Variants in GALNT8 observed in about 807,000 individuals in gnomAD.
The protein encoded by GALNT8 is probable polypeptide N-acetylgalactosaminyltransferase 8.
In GALNT8, 66 loss-of-function variants were observed where a neutral mutation model predicts 62.7. That is an observed-to-expected ratio of 1.05 (90% CI 0.86 to 1.29). The LOEUF (loss-of-function observed/expected upper bound fraction) is 1.29, where lower values mean the gene tolerates loss of function less well. Ranked by LOEUF, GALNT8 falls within the 50% of genes most tolerant of loss-of-function variation. The probability of loss-of-function intolerance (pLI) is 0.00; values close to 1 mark genes in which losing one functional copy is unlikely to be tolerated. For missense variants in GALNT8, 771 were observed against 791.8 expected (o/e 0.97, Z 0.32); for synonymous variants, 288 against 294.3 (o/e 0.98, Z 0.22).
At chr12:4,758,606 CTGTGTGTGTGTG>C (rs67025688) in intron 6 of GALNT8, among the ~76,000 whole-genome samples, 78 of 113,660 alleles carry the variant, frequency 6.9e-4, no homozygotes, top group African/African-American at 2.6e-3. Context: ...CTTAATGTCT[CTGTGTGTGTGTG>C]TGTGTGTGTG....
chr12:4,725,317 T>C (rs995654492), intron 1 of GALNT8, among the ~76,000 whole-genome samples: 2 of 152,176 alleles, frequency 1.3e-5, no homozygotes, highest in Non-Finnish European at 2.9e-5. Context: ...AGGTAAATAA[T>C]AGATGACGTC....
chr12:4,764,529 G>GTTTTTT (rs1946389057), intron 9 of GALNT8, among the ~76,000 whole-genome samples: 1 of 99,758 alleles, frequency 1.0e-5, no homozygotes, highest in East Asian at 2.8e-4. Context: ...GCAGTCAGGG[G>GTTTTTT]ATTTTTTTTT....
chr12:4,771,164 G>A (rs1315466680), intron 10 of GALNT8, among the ~76,000 whole-genome samples: 1 of 152,204 alleles, frequency 6.6e-6, no homozygotes, highest in African/African-American at 2.4e-5. Flanking sequence ...TGCTGAGGAG[G>A]CCTGGAAGAG....
intron 2 of GALNT8, among the ~76,000 whole-genome samples, chr12:4,727,423 T>A (rs533963898): frequency 1.3e-5 from 2 of 152,348 alleles, no homozygotes; most frequent in Admixed American, 1.3e-4. Flanking sequence ...TTTCAGTATA[T>A]TCACAGAGTT....
intron 1 of GALNT8, among the ~76,000 whole-genome samples, chr12:4,722,819 A>C (rs1156925205): frequency 6.6e-6 from 1 of 152,060 alleles, no homozygotes; most frequent in Non-Finnish European, 1.5e-5. Flanking sequence ...GGGTGGAAGG[A>C]AAGGCAGGAA....
chr12:4,735,685 A>G (rs1946241467), intron 2 of GALNT8, among the ~76,000 whole-genome samples: 1 of 152,154 alleles, frequency 6.6e-6, no homozygotes, highest in Non-Finnish European at 1.5e-5. Context: ...TTGCTGTCAG[A>G]GTGGAAGTTC....
chr12:4,748,790 G>GTA (rs1451770898), intron 6 of GALNT8, among the ~76,000 whole-genome samples: 2 of 152,000 alleles, frequency 1.3e-5, no homozygotes, highest in Non-Finnish European at 2.9e-5. Flanking sequence ...TATTTAATCC[G>GTA]TATATTGCTT....
At chr12:4,724,939 A>G (rs548176227) in intron 1 of GALNT8, among the ~76,000 whole-genome samples, 1 of 152,244 alleles carries the variant, frequency 6.6e-6, no homozygotes, top group Admixed American at 6.5e-5. Context: ...AGATGCATCT[A>G]CCCGGAGAAA....
intron 2 of GALNT8, among the ~76,000 whole-genome samples, chr12:4,734,149 C>A (rs1352338303): frequency 2.0e-5 from 3 of 152,154 alleles, no homozygotes; most frequent in African/African-American, 7.2e-5. Flanking sequence ...CCTTCTCCTC[C>A]TACTATTACT....
chr12:4,734,414 C>T (rs1946235341), intron 2 of GALNT8, among the ~76,000 whole-genome samples: 1 of 152,132 alleles, frequency 6.6e-6, no homozygotes, highest in Non-Finnish European at 1.5e-5. Flanking sequence ...ACAAGATCCC[C>T]AAGTGATTTG....
chr12:4,769,996 C>A (rs1474097865), intron 10 of GALNT8, among the ~76,000 whole-genome samples: 2 of 152,026 alleles, frequency 1.3e-5, no homozygotes, highest in African/African-American at 4.8e-5. Context: ...ACACGCAGCA[C>A]CCCAAAATAA....
intron 2 of GALNT8, among the ~76,000 whole-genome samples, chr12:4,738,130 T>G (rs1946254318): frequency 6.6e-6 from 1 of 152,210 alleles, no homozygotes; most frequent in Non-Finnish European, 1.5e-5. Context: ...AAATTTATGA[T>G]CAACTGATTC....
chr12:4,743,047 T>G (rs775512594), intron 3 of GALNT8, among the ~76,000 whole-genome samples: 12 of 152,238 alleles, frequency 7.9e-5, no homozygotes, highest in Non-Finnish European at 1.5e-4. Context: ...AGAGACAGTC[T>G]CACTCTGTTG....
chr12:4,772,660 C>A lies in GALNT8; in HGVS notation c.*63C>A. 1.6e-6 allele frequency: 2 copies of A among 1,249,934 alleles called. No individual in the cohort carries two copies. Among genetic ancestry groups the A allele is most frequent in the Non-Finnish European group, 2.3e-6 (2 of 860,450 alleles). 77.4% of individuals were successfully genotyped at this position (1,249,934 alleles called of 1,614,324 possible). On this transcript the variant is annotated 3_prime_UTR_variant, in exon 11 of 11. Coordinates refer to ENST00000252318, the MANE Select transcript of GALNT8 (RefSeq NM_017417.2). ...CAAGTGGAATGGCTTCTACTCCTAACACTCCCAGCTTCTTTCTCAATGAGA... is the reference window on the plus strand; with the variant it reads ...CAAGTGGAATGGCTTCTACTCCTAAAACTCCCAGCTTCTTTCTCAATGAGA...
chr12:4,739,367 C>G lies in GALNT8; in HGVS notation c.676+38C>G, dbSNP rs773563649. 2.0e-5 allele frequency: 31 copies of G among 1,547,546 alleles called. No individual in the cohort carries two copies. In the East Asian group the frequency reaches 2.9e-4, roughly 15 times the overall value. On this transcript the variant is annotated intron_variant, in intron 3 of 10. Coordinates refer to ENST00000252318, the MANE Select transcript of GALNT8 (RefSeq NM_017417.2). ...ATCAAAGAATAATTGTAAAAATGAC[C>G]ACTTATCATCTGTGCTTGGCTGGAA...
rs983632680 is a variant in GALNT8 at position 4,720,539 on chromosome 12, G to T, written c.-139G>T. ...AGAGGCCACCCGTGGCTTCCCATGG[G>T]TGTCTCACACAGGGGAGACCAACTC... On this transcript the variant is annotated 5_prime_UTR_variant, in exon 1 of 11. Transcript: ENST00000252318. 1 of 649,084 alleles carries T rather than the reference G, an allele frequency of 1.5e-6. No homozygotes were observed. The highest frequency in any genetic ancestry group is 1.8e-5 in the South Asian group (1 of 54,272). 40.2% of individuals were successfully genotyped at this position (649,084 alleles called of 1,614,324 possible).
chr12:4,731,915 G>A (rs1946223702), intron 2 of GALNT8, among the ~76,000 whole-genome samples: 1 of 152,122 alleles, frequency 6.6e-6, no homozygotes, highest in Admixed American at 6.5e-5. Context: ...GCAGAGCCCA[G>A]TGCAAAATGA....
At chr12:4,746,590 A>G (rs1234666023) in intron 6 of GALNT8, among the ~76,000 whole-genome samples, 1 of 152,162 alleles carries the variant, frequency 6.6e-6, no homozygotes, top group Non-Finnish European at 1.5e-5. Context: ...ATTCTCTAGA[A>G]GGCCAAAGAC....
At chr12:4,745,180 G>A (rs944673997) in intron 4 of GALNT8, among the ~76,000 whole-genome samples, 4 of 152,254 alleles carry the variant, frequency 2.6e-5, no homozygotes, top group African/African-American at 7.2e-5. Context: ...GCTTCACAAC[G>A]GCCTGGGGGT....
Sources: allele counts gnomAD v4.1 joint callset (sites outside exome capture counted in the v4.1 genomes callset), GRCh38; gene constraint gnomAD v4.1.1; transcripts MANE v1.5; gene names NCBI Gene and HGNC (gene_info 2026-07-23, HGNC 2026-07-21).